Variants in BTRC observed in about 807,000 individuals in gnomAD.
The protein encoded by BTRC is beta-transducin repeat containing E3 ubiquitin protein ligase, also known as F-box/WD repeat-containing protein 1A.
In BTRC, 42 loss-of-function variants were observed where a neutral mutation model predicts 85.5. That is an observed-to-expected ratio of 0.49 (90% CI 0.38 to 0.64). The LOEUF (loss-of-function observed/expected upper bound fraction) is 0.64, where lower values mean the gene tolerates loss of function less well. Among genes scored for constraint, BTRC ranks in the 30% least tolerant of loss-of-function variants. The probability of loss-of-function intolerance (pLI) is 0.00; values close to 1 mark genes in which losing one functional copy is unlikely to be tolerated. For missense variants in BTRC, 594 were observed against 743.5 expected (o/e 0.80, Z 2.34); for synonymous variants, 255 against 263.3 (o/e 0.97, Z 0.30).
At chr10:101,368,464 CTTTTTTT>C (rs60190021) in intron 1 of BTRC, among the ~76,000 whole-genome samples, 3 of 75,338 alleles carry the variant, frequency 4.0e-5, no homozygotes, top group African/African-American at 6.4e-5. Context: ...AACTGTTTTT[CTTTTTTT>C]TTTTTTTTTT....
intron 1 of BTRC, among the ~76,000 whole-genome samples, chr10:101,370,644 A>C (rs1408202349): frequency 8.9e-6 from 1 of 112,670 alleles, no homozygotes; most frequent in Non-Finnish European, 1.7e-5. Flanking sequence ...ATCTAGGCTC[A>C]CTGCAGCCTT....
At chr10:101,426,073 A>G (rs947365120) in intron 1 of BTRC, among the ~76,000 whole-genome samples, 1 of 152,192 alleles carries the variant, frequency 6.6e-6, no homozygotes. Flanking sequence ...AACCAAAATG[A>G]CAGTCCTTTC....
rs2062368255 is a variant in BTRC at position 101,535,220 on chromosome 10, CT to C, written c.1348-131del. The C allele has an allele frequency of 1.8e-5, 14 of 788,366 alleles. No individual in the cohort carries two copies. The Admixed American group carries it at 3.1e-4, about 17-fold the overall frequency. The allele number at this position is 788,366 out of a possible 1,614,324, so 48.8% of individuals were successfully genotyped here. A position where few individuals can be genotyped will look rare whatever the true frequency, so the allele number is the denominator to read the frequency against. ...TCTGTTACCATGAATTTAAATTGTC[CT>C]TTGTTTTATTTGTTTGAGAAGACTT... On this transcript the variant is annotated intron_variant, in intron 10 of 14. Transcript: ENST00000370187.
chr10:101,545,329 A>T (rs766236763), intron 13 of BTRC, among the ~76,000 whole-genome samples: 2 of 152,254 alleles, frequency 1.3e-5, no homozygotes, highest in Non-Finnish European at 2.9e-5. Context: ...GGCTAAACTT[A>T]TGTTGTCTAC....
intron 1 of BTRC, among the ~76,000 whole-genome samples, chr10:101,358,745 G>A (rs894853772): frequency 6.6e-6 from 1 of 152,040 alleles, no homozygotes; most frequent in African/African-American, 2.4e-5. Flanking sequence ...TTCTAAGAAG[G>A]GACATTCCAG....
intron 13 of BTRC, among the ~76,000 whole-genome samples, chr10:101,543,843 C>T (rs757894488): frequency 6.6e-6 from 1 of 152,158 alleles, no homozygotes; most frequent in Non-Finnish European, 1.5e-5. Flanking sequence ...GATTTTACTT[C>T]TAAATATGTT....
intron 13 of BTRC, among the ~76,000 whole-genome samples, chr10:101,542,177 C>T (rs910536198): frequency 1.3e-5 from 2 of 152,202 alleles, no homozygotes; most frequent in Admixed American, 6.5e-5. Context: ...GCCGTTTTAT[C>T]TAAATTATGA....
chr10:101,539,657 T>G (rs2062437780), intron 13 of BTRC, among the ~76,000 whole-genome samples: 4 of 152,264 alleles, frequency 2.6e-5, no homozygotes, highest in African/African-American at 9.6e-5. Flanking sequence ...GATGAATGTA[T>G]GCTTTTTGCT....
intron 6 of BTRC, among the ~76,000 whole-genome samples, chr10:101,528,456 C>T (rs2062232766): frequency 6.6e-6 from 1 of 152,174 alleles, no homozygotes; most frequent in Admixed American, 6.5e-5. Context: ...GCACTAATTA[C>T]CACTTTTTTC....
chr10:101,549,278 A>T (rs2062608384), intron 13 of BTRC, among the ~76,000 whole-genome samples: 1 of 151,150 alleles, frequency 6.6e-6, no homozygotes, highest in Non-Finnish European at 1.5e-5. Context: ...AAAAAAAAAA[A>T]AAAAAAGCCA....
At chr10:101,443,816 T>G (rs970782935) in intron 2 of BTRC, among the ~76,000 whole-genome samples, 1 of 152,308 alleles carries the variant, frequency 6.6e-6, no homozygotes, top group Middle Eastern at 3.4e-3. Context: ...CAAGTAGATG[T>G]AAGGCTTTAC....
At position 101,526,190 on chromosome 10, in the gene BTRC, G is replaced by A. The variant is rs149903447; in HGVS notation, c.734G>A (p.Arg245Gln). The part of the protein sequence containing the change: ...TDSLWRGLAE[R>Q]RGWGQYLFKN... ...TCTCTGTGGAGAGGCCTGGCAGAAC[G>A]AAGAGGATGGTGAGCCTTTAACTTT... The change falls in exon 6 of 15, where the codon CGA becomes CAA. Residue 245 changes from arginine (R) to glutamine (Q), a missense_variant. This residue lies in a region of BTRC where 373 missense variants were observed against 503.6 expected (regional missense o/e 0.74). Transcript: ENST00000370187. 9 of 1,613,830 alleles carry A rather than the reference G, an allele frequency of 5.6e-6. No individual in the cohort carries two copies. The highest frequency in any genetic ancestry group is 7.6e-6 in the Non-Finnish European group (9 of 1,179,778).
chr10:101,433,262 A>T (rs763883729), intron 2 of BTRC, among the ~76,000 whole-genome samples: 7 of 152,152 alleles, frequency 4.6e-5, no homozygotes, highest in Non-Finnish European at 8.8e-5. Flanking sequence ...GATGTTTATT[A>T]TATTTCTATT....
intron 4 of BTRC, among the ~76,000 whole-genome samples, chr10:101,481,549 T>C (rs968746462): frequency 6.8e-6 from 1 of 148,142 alleles, no homozygotes; most frequent in Non-Finnish European, 1.5e-5. Context: ...TGTGTGTCTA[T>C]ATGATGTGGA....
At chr10:101,354,138 G>C (rs779327428), upstream of BTRC, 2 of 1,547,356 alleles carry the variant, frequency 1.3e-6, no homozygotes, top group Non-Finnish European at 1.7e-6. Context: ...TGGCACCAAA[G>C]GGGCGGCCCC....
intron 4 of BTRC, among the ~76,000 whole-genome samples, chr10:101,520,872 G>A (rs532324731): frequency 2.6e-5 from 4 of 152,188 alleles, no homozygotes; most frequent in Admixed American, 6.5e-5. Context: ...CAGGAGAATC[G>A]CTTGATTCTC....
intron 4 of BTRC, among the ~76,000 whole-genome samples, chr10:101,496,392 T>G (rs974490634): frequency 6.6e-6 from 1 of 152,116 alleles, no homozygotes; most frequent in Non-Finnish European, 1.5e-5. Flanking sequence ...CGTAGTAGTA[T>G]TATGTATGAC....
intron 4 of BTRC, among the ~76,000 whole-genome samples, chr10:101,521,005 A>G (rs2062096622): frequency 2.6e-5 from 4 of 151,816 alleles, no homozygotes; most frequent in Admixed American, 2.6e-4. Context: ...AATAGCTCAC[A>G]CCTGTTAATC....
chr10:101,442,695 G>A (rs973960297), intron 2 of BTRC, among the ~76,000 whole-genome samples: 10 of 151,922 alleles, frequency 6.6e-5, no homozygotes, highest in African/African-American at 9.7e-5. Context: ...TGACATAAAC[G>A]TAAAAAGGAA....
Sources: allele counts gnomAD v4.1 joint callset (sites outside exome capture counted in the v4.1 genomes callset), GRCh38; gene constraint gnomAD v4.1.1; regional missense constraint gnomAD v4.1.1; transcripts MANE v1.5; gene names NCBI Gene and HGNC (gene_info 2026-07-23, HGNC 2026-07-21).